The following FLT3 variants were observed in gnomAD, a reference collection of about 807,000 sequenced individuals.
FLT3 encodes receptor-type tyrosine-protein kinase FLT3.
FLT3 carries 46 observed loss-of-function variants against 126.6 expected under a neutral mutation model. That is an observed-to-expected ratio of 0.36 (90% CI 0.29 to 0.46). FLT3 has a LOEUF of 0.46. FLT3 is among the 20% of genes least tolerant of loss of function. The pLI, the probability that FLT3 is intolerant of heterozygous loss-of-function variation, is 1.00. For missense variants in FLT3, 1,069 were observed against 1,190.3 expected, an observed-to-expected ratio of 0.90 and a Z score of 1.50; for synonymous variants, 404 against 434.4, an observed-to-expected ratio of 0.93 and a Z score of 0.87.
chr13:28,094,047 G>A (rs1449610534), intron 1 of FLT3, among the ~76,000 whole-genome samples: 1 of 152,124 alleles, frequency 6.6e-6, no homozygotes, highest in African/African-American at 2.4e-5. Flanking sequence ...AACAAGGAGT[G>A]CAGCTGTGCT....
chr13:28,037,454 G>A (rs1270208202), intron 9 of FLT3, among the ~76,000 whole-genome samples, 166 bp from the exon 10 acceptor site: 2 of 152,152 alleles, frequency 1.3e-5, no homozygotes, highest in Admixed American at 6.6e-5. Flanking sequence ...TCAAAGTGTG[G>A]TCCACAGACA....
chr13:28,033,824 G>T, intron 15 of FLT3, 63 bp downstream of exon 15: 1 of 1,173,218 alleles, frequency 8.5e-7, no homozygotes, highest in Non-Finnish European at 1.3e-6. Flanking sequence ...AAGAAGGCAT[G>T]GGTGGGAAAC....
At chr13:28,046,198 CTTAA>C (rs955516387) in intron 9 of FLT3, among the ~76,000 whole-genome samples, 5 of 152,132 alleles carry the variant, frequency 3.3e-5, no homozygotes, top group African/African-American at 9.7e-5. Context: ...AGTCTGCATT[CTTAA>C]TTACTTTAAA....
chr13:28,097,736 CT>C (rs1347119211), intron 1 of FLT3, among the ~76,000 whole-genome samples: 3 of 152,194 alleles, frequency 2.0e-5, no homozygotes, highest in Admixed American at 6.5e-5. Context: ...CTTCCCTCCA[CT>C]TTCTCCTGAA....
At chr13:28,071,650 G>C (rs1201162767) in intron 1 of FLT3, among the ~76,000 whole-genome samples, 1 of 152,010 alleles carries the variant, frequency 6.6e-6, no homozygotes, top group Non-Finnish European at 1.5e-5. Context: ...ATCTCTGTAG[G>C]TGTATATTTA....
At chr13:28,039,821 T>C (rs937312065) in intron 9 of FLT3, among the ~76,000 whole-genome samples, 2 of 152,096 alleles carry the variant, frequency 1.3e-5, no homozygotes, top group Non-Finnish European at 2.9e-5. Flanking sequence ...GTGCTGGGAT[T>C]ACAGGCATGA....
At chr13:28,025,086 T>G in intron 17 of FLT3, 143 bp from the exon 18 acceptor site, 3 of 623,934 alleles carry the variant, frequency 4.8e-6, no homozygotes, top group Non-Finnish European at 8.6e-6. Context: ...TTGTCCATTT[T>G]TTGTGTACAT....
At chr13:28,037,023 T>A (rs1873894976) in intron 10 of FLT3, among the ~76,000 whole-genome samples, 162 bp downstream of exon 10, 1 of 152,062 alleles carries the variant, frequency 6.6e-6, no homozygotes, top group African/African-American at 2.4e-5. Flanking sequence ...AGATATATGA[T>A]CAATGCCAGT....
chr13:28,033,434 C>A (rs73436978), intron 15 of FLT3, among the ~76,000 whole-genome samples: 11,120 of 152,160 alleles, frequency 0.073, 1,024 homozygotes, highest in African/African-American at 0.22. Context: ...GAGGCCGAGG[C>A]GGGCAGATAG....
At chr13:28,083,993 A>T (rs1056730099) in intron 1 of FLT3, among the ~76,000 whole-genome samples, 1 of 151,630 alleles carries the variant, frequency 6.6e-6, no homozygotes, top group South Asian at 2.1e-4. Flanking sequence ...CCTGATGATT[A>T]TTACTGTGTT....
At chr13:28,086,848 T>C (rs1178631046) in intron 1 of FLT3, among the ~76,000 whole-genome samples, 5 of 152,124 alleles carry the variant, frequency 3.3e-5, no homozygotes, top group Non-Finnish European at 1.5e-5. Context: ...GGTTCCACCA[T>C]GCTGGCCAGG....
At position 28,035,939 on chromosome 13, in the gene FLT3, G is replaced by C; in HGVS notation, c.1414C>G (p.Pro472Ala). Residue 472 changes from proline (P) to alanine (A), a missense_variant, in exon 11 of 24, where the codon CCC becomes GCC. Coordinates refer to ENST00000241453, the MANE Select transcript of FLT3 (RefSeq NM_004119.3). ...WTWKKCSDKSPNCTEEITEGV... is the reference protein window; with the variant it reads ...WTWKKCSDKSANCTEEITEGV... ...AGGCATCAATGTCCTTATTACTTGG[G>C]AGACTTGTCTGAACACTTCTTCCAG... is the stretch of plus-strand genomic sequence containing the variant. 1 of 1,611,024 alleles carries C rather than the reference G, an allele frequency of 6.2e-7. No individual in the cohort carries two copies. The highest frequency in any genetic ancestry group is 8.5e-7 in the Non-Finnish European group (1 of 1,177,174).
At chr13:28,019,093 G>A (rs769199795) in intron 19 of FLT3, among the ~76,000 whole-genome samples, 4 of 150,930 alleles carry the variant, frequency 2.7e-5, no homozygotes, top group South Asian at 2.1e-4. Flanking sequence ...TCAGCCTCCC[G>A]AGTTGCTGGG....
chr13:28,035,917 C>G lies in FLT3; in HGVS notation c.1418+18G>C, dbSNP rs185893127. ...TTTTATGTTCTTCCATTATAAGAGG[C>G]ATCAATGTCCTTATTACTTGGGAGA... On this transcript the variant is annotated intron_variant, in intron 11 of 23. Coordinates refer to ENST00000241453, the MANE Select transcript of FLT3 (RefSeq NM_004119.3). The G allele has an allele frequency of 2.6e-6, 4 of 1,542,576 alleles. No homozygotes were observed. The highest frequency in any genetic ancestry group is 3.3e-5 in the Admixed American group (2 of 59,932).
At chr13:28,096,020 C>G (rs984109269) in intron 1 of FLT3, among the ~76,000 whole-genome samples, 5 of 152,144 alleles carry the variant, frequency 3.3e-5, no homozygotes, top group African/African-American at 1.2e-4. Flanking sequence ...AGAGCATTTT[C>G]TTTCCCATAA....
intron 1 of FLT3, among the ~76,000 whole-genome samples, chr13:28,088,920 C>A (rs533040954): frequency 6.2e-4 from 95 of 152,214 alleles, no homozygotes; most frequent in African/African-American, 2.0e-3. Flanking sequence ...AAGCCACAGA[C>A]TGGAGAAAAT....
At chr13:28,043,935 C>A (rs961310660) in intron 9 of FLT3, among the ~76,000 whole-genome samples, 2 of 151,602 alleles carry the variant, frequency 1.3e-5, no homozygotes, top group African/African-American at 2.4e-5. Context: ...CATGGTGAAA[C>A]CCCGTCTCTA....
chr13:28,014,808 G>A (rs1442644982), intron 22 of FLT3, among the ~76,000 whole-genome samples: 1 of 152,162 alleles, frequency 6.6e-6, no homozygotes, highest in African/African-American at 2.4e-5. Context: ...TCAAGCAAAG[G>A]AATTAAAACC....
intron 8 of FLT3, 128 bp from the exon 9 acceptor site, chr13:28,048,571 C>T (rs1875117908): frequency 1.5e-6 from 1 of 659,540 alleles, no homozygotes; most frequent in East Asian, 2.7e-5. Context: ...TGCTGCAGGT[C>T]AGGTTGGATA....
Sources: gnomAD v4.1 joint callset for allele counts (sites outside exome capture counted in the v4.1 genomes callset) on GRCh38, gnomAD v4.1.1 for gene constraint, MANE v1.5 for transcripts, NCBI Gene and HGNC (gene_info 2026-07-23, HGNC 2026-07-21) for gene names.